Variants in NFIA observed in about 807,000 individuals in gnomAD.
NFIA encodes nuclear factor I A, also known as nuclear factor 1 A-type.
NFIA carries 8 observed loss-of-function variants against 62.8 expected under a neutral mutation model. The ratio of observed to expected loss-of-function variants is 0.13; its 90% CI spans 0.07 to 0.23. NFIA has a LOEUF of 0.23. Among genes scored for constraint, NFIA ranks in the 10% least tolerant of loss-of-function variants. The pLI, the probability that NFIA is intolerant of heterozygous loss-of-function variation, is 1.00. For synonymous variants in NFIA, 235 were observed against 238.1 expected, an observed-to-expected ratio of 0.99 and a Z score of 0.12; for missense variants, 410 against 642.1, an observed-to-expected ratio of 0.64 and a Z score of 3.91.
chr1:61,438,068 AATAGT>A (rs1667411822), intron 10 of NFIA, among the ~76,000 whole-genome samples: 1 of 152,120 alleles, frequency 6.6e-6, no homozygotes, highest in Non-Finnish European at 1.5e-5. Flanking sequence ...TTTTATAGGC[AATAGT>A]AGCATTGAGA....
At chr1:61,371,137 C>T (rs1186423377) in intron 6 of NFIA, among the ~76,000 whole-genome samples, 1 of 152,158 alleles carries the variant, frequency 6.6e-6, no homozygotes, top group Non-Finnish European at 1.5e-5. Context: ...ATCAAAATGG[C>T]TGTGCAACAC....
At chr1:61,343,056 C>T (rs1376633482) in intron 4 of NFIA, among the ~76,000 whole-genome samples, 1 of 152,148 alleles carries the variant, frequency 6.6e-6, no homozygotes, top group African/African-American at 2.4e-5. Flanking sequence ...TTAACAAGCT[C>T]GTGTAATTTT....
chr1:61,152,734 G>A (rs970602853), intron 2 of NFIA, among the ~76,000 whole-genome samples: 1 of 152,088 alleles, frequency 6.6e-6, no homozygotes, highest in Non-Finnish European at 1.5e-5. Flanking sequence ...TGCAGAGATT[G>A]GACACTTTAA....
intron 2 of NFIA, among the ~76,000 whole-genome samples, chr1:61,106,154 A>G (rs1646596095): frequency 6.9e-6 from 1 of 145,354 alleles, no homozygotes; most frequent in South Asian, 2.2e-4. Context: ...ATTTATTCAT[A>G]TATATATTTC....
At chr1:61,184,937 T>C (rs576005379) in intron 2 of NFIA, among the ~76,000 whole-genome samples, 62 of 152,350 alleles carry the variant, frequency 4.1e-4, no homozygotes, top group African/African-American at 1.4e-3. Flanking sequence ...TGACTTGACT[T>C]ACATTCTTTT....
At chr1:61,152,763 A>G (rs1362368056) in intron 2 of NFIA, among the ~76,000 whole-genome samples, 1 of 152,202 alleles carries the variant, frequency 6.6e-6, no homozygotes, top group Non-Finnish European at 1.5e-5. Context: ...CTCTGCCTCC[A>G]CTAAAGTGGC....
intron 6 of NFIA, among the ~76,000 whole-genome samples, chr1:61,361,234 A>G (rs924723285): frequency 6.6e-6 from 1 of 152,210 alleles, no homozygotes; most frequent in African/African-American, 2.4e-5. Flanking sequence ...CAGTTTGCCT[A>G]AAGTGCCTAA....
chr1:61,208,605 C>G (rs1653043392), intron 2 of NFIA, among the ~76,000 whole-genome samples: 2 of 152,090 alleles, frequency 1.3e-5, no homozygotes, highest in South Asian at 4.1e-4. Context: ...TTTCTGAGAT[C>G]CAGTTTGCTG....
chr1:61,452,068 A>G (rs898451101), intron 10 of NFIA, among the ~76,000 whole-genome samples: 1 of 152,228 alleles, frequency 6.6e-6, no homozygotes, highest in Non-Finnish European at 1.5e-5. Flanking sequence ...AATAGAAATT[A>G]TAAGAAAATA....
intron 3 of NFIA, among the ~76,000 whole-genome samples, chr1:61,319,790 A>AACAC (rs58845526): frequency 0.012 from 1,613 of 139,560 alleles, 34 homozygotes; most frequent in African/African-American, 0.033. Context: ...GGAAGAATTA[A>AACAC]ACACACACAC....
chr1:61,315,649 CTTCT>C (rs1660330543), intron 3 of NFIA, among the ~76,000 whole-genome samples: 1 of 152,158 alleles, frequency 6.6e-6, no homozygotes, highest in Non-Finnish European at 1.5e-5. Flanking sequence ...AGCTGCCCTA[CTTCT>C]GAACAAGCAG....
intron 2 of NFIA, among the ~76,000 whole-genome samples, chr1:61,108,612 A>G (rs1646643903): frequency 6.6e-6 from 1 of 151,700 alleles, no homozygotes; most frequent in African/African-American, 2.4e-5. Context: ...TCAGTGTTAA[A>G]TTAACCTGTG....
chr1:61,087,956 A>G (rs376885042), intron 1 of NFIA, among the ~76,000 whole-genome samples, 193 bp from the exon 2 acceptor site: 58 of 152,232 alleles, frequency 3.8e-4, no homozygotes, highest in African/African-American at 1.3e-3. Flanking sequence ...GATCATAAGA[A>G]ATGATACTGA....
In NFIA at chr1:61,461,172, A is replaced by G. The variant is rs889113691; in HGVS notation, c.*5852A>G. 1 of 151,978 alleles carries G rather than the reference A, an allele frequency of 6.6e-6. No individual in the cohort carries two copies. The highest frequency in any genetic ancestry group is 2.4e-5 in the African/African-American group (1 of 41,338). 9.4% of individuals were successfully genotyped at this position (151,978 alleles called of 1,614,324 possible). On this transcript the variant is annotated 3_prime_UTR_variant, in exon 11 of 11. Coordinates refer to ENST00000403491, the MANE Select transcript of NFIA (RefSeq NM_001134673.4). ...TTGCAAGTCAGGGGCATTTTCCTTG[A>G]CCCTTGACTGATGCTATGCGGAGAC...
intron 2 of NFIA, among the ~76,000 whole-genome samples, chr1:61,211,908 G>T (rs1653287313): frequency 1.3e-5 from 2 of 152,126 alleles, no homozygotes; most frequent in Admixed American, 6.5e-5. Flanking sequence ...TGTTGCCCAG[G>T]CTGGTCTCGA....
intron 9 of NFIA, among the ~76,000 whole-genome samples, chr1:61,409,428 G>A (rs1665997308): frequency 6.6e-6 from 1 of 152,168 alleles, no homozygotes; most frequent in Non-Finnish European, 1.5e-5. Flanking sequence ...GTTAGGCTGG[G>A]AGAGCTGTAA....
chr1:61,324,659 A>G (rs1187815840), intron 3 of NFIA, among the ~76,000 whole-genome samples: 2 of 152,196 alleles, frequency 1.3e-5, no homozygotes, highest in African/African-American at 2.4e-5. Context: ...CAGCTCTTCA[A>G]GGTTACCTGT....
chr1:61,152,624 G>T (rs1287087466), intron 2 of NFIA, among the ~76,000 whole-genome samples: 1 of 152,128 alleles, frequency 6.6e-6, no homozygotes, highest in Non-Finnish European at 1.5e-5. Context: ...CTTTCCAAGA[G>T]TATCATGATC....
At chr1:61,409,674 C>T (rs2474377) in intron 9 of NFIA, among the ~76,000 whole-genome samples, 23,580 of 152,180 alleles carry the variant, frequency 0.15, 2,190 homozygotes, top group East Asian at 0.4. Flanking sequence ...CCAATTACAT[C>T]GTCATAGCTA....
Sources: gnomAD v4.1 joint callset for allele counts (sites outside exome capture counted in the v4.1 genomes callset) on GRCh38, gnomAD v4.1.1 for gene constraint, MANE v1.5 for transcripts, NCBI Gene and HGNC (gene_info 2026-07-23, HGNC 2026-07-21) for gene names.